Variants in PA2G4 observed in about 807,000 individuals in gnomAD.
PA2G4 encodes proliferation-associated protein 2G4.
In PA2G4, 8 loss-of-function variants were observed where a neutral mutation model predicts 53.3. That is an observed-to-expected ratio of 0.15 (90% CI 0.09 to 0.27). The LOEUF is 0.27. Among genes scored for constraint, PA2G4 ranks in the 10% least tolerant of loss-of-function variants. The pLI, the probability that PA2G4 is intolerant of heterozygous loss-of-function variation, is 1.00. For missense variants in PA2G4, 208 were observed against 486.8 expected (o/e 0.43, Z 5.39); for synonymous variants, 143 against 169.8 (o/e 0.84, Z 1.23).
chr12:56,111,574 C>A (rs1367762498), intron 12 of PA2G4, 45 bp downstream of exon 12: 6 of 1,499,990 alleles, frequency 4.0e-6, no homozygotes, highest in Non-Finnish European at 5.6e-6. Context: ...TGAACCTGAT[C>A]CCTCTTTCTC....
chr12:56,105,056 A>AG, intron 1 of PA2G4: 1 of 698,278 alleles, frequency 1.4e-6, no homozygotes, highest in Non-Finnish European at 2.6e-6. Flanking sequence ...GAGCGCAGAG[A>AG]GGGGACCCTG....
chr12:56,104,725 T>C lies in PA2G4; in HGVS notation c.-13T>C, dbSNP rs1301245918. 1.2e-6 allele frequency: 2 copies of C among 1,611,274 alleles called. No individual in the cohort carries two copies. The highest frequency in any genetic ancestry group is 2.2e-5 in the East Asian group (1 of 44,842). On this transcript the variant is annotated 5_prime_UTR_variant, in exon 1 of 13. Coordinates refer to ENST00000303305, the MANE Select transcript of PA2G4 (RefSeq NM_006191.3). ...CTCAGGGGAAACGAGGCTGCAGTGG[T>C]GGTAGTAGGAAGATGTCGGGCGAGG...
At position 56,106,799 on chromosome 12, in the gene PA2G4, G is replaced by A. The variant is rs889826299; in HGVS notation, c.217+83G>A. 71 of 1,498,908 alleles carry A rather than the reference G, an allele frequency of 4.7e-5. 1 individual carries two copies. In the Admixed American group the frequency reaches 1.2e-3, roughly 24 times the overall value. The allele number at this position is 1,498,908 out of a possible 1,614,324, so 92.9% of individuals were successfully genotyped here. ...TTTTTATTTTTTTCACTGTAATGAC[G>A]CAGTCCCCACCCCAGCTCTGGCTGA... On this transcript the variant is annotated intron_variant, in intron 2 of 12. Coordinates refer to ENST00000303305, the MANE Select transcript of PA2G4 (RefSeq NM_006191.3).
At chr12:56,112,284 A>G (rs1869446013) in intron 12 of PA2G4, among the ~76,000 whole-genome samples, 1 of 152,224 alleles carries the variant, frequency 6.6e-6, no homozygotes, top group Admixed American at 6.5e-5. Context: ...TTAACCTACC[A>G]TGAACCTCAT....
At chr12:56,107,447 C>T in intron 4 of PA2G4, 74 bp from the exon 5 acceptor site, 2 of 1,162,266 alleles carry the variant, frequency 1.7e-6, no homozygotes, top group Non-Finnish European at 2.6e-6. Flanking sequence ...TATGGGCTCA[C>T]AGATATTAAC....
At chr12:56,106,539 C>T (rs779797328) in intron 1 of PA2G4, 49 bp from the exon 2 acceptor site, 1 of 1,469,128 alleles carries the variant, frequency 6.8e-7, no homozygotes, top group Non-Finnish European at 9.0e-7. Flanking sequence ...TGGGTGGTAA[C>T]TAGACAATGA....
In PA2G4 at chr12:56,113,774, T is replaced by G. The variant is rs1282388696; in HGVS notation, c.*886T>G. 1 of 694,834 alleles carries G rather than the reference T, an allele frequency of 1.4e-6. No individual in the cohort carries two copies. The highest frequency in any genetic ancestry group is 2.6e-6 in the Non-Finnish European group (1 of 381,946). The allele number at this position is 694,834 out of a possible 1,614,324, so 43.0% of individuals were successfully genotyped here. On this transcript the variant is annotated 3_prime_UTR_variant, in exon 13 of 13. Transcript: ENST00000303305. Reference sequence around the variant, plus strand: ...TGGACTTGGATTGGATTGCTGGGGGTTTGTAGAGAAAGGTGACAAATTTCA... The same window carrying G: ...TGGACTTGGATTGGATTGCTGGGGGGTTGTAGAGAAAGGTGACAAATTTCA...
At chr12:56,104,885 C>T (rs1869259342) in intron 1 of PA2G4, 60 bp downstream of exon 1, 3 of 1,425,324 alleles carry the variant, frequency 2.1e-6, no homozygotes, top group African/African-American at 1.4e-5. Flanking sequence ...ACAGGCTGGC[C>T]CGGAAGGGGC....
At chr12:56,110,723 TCTGA>T (rs1565864909) in intron 9 of PA2G4, 31 bp downstream of exon 9, 2 of 1,613,278 alleles carry the variant, frequency 1.2e-6, no homozygotes, top group Non-Finnish European at 1.7e-6. Context: ...TTGGAACCAG[TCTGA>T]CTCACAGACC....
chr12:56,112,090 C>T (rs973037956), intron 12 of PA2G4, among the ~76,000 whole-genome samples: 8 of 152,090 alleles, frequency 5.3e-5, no homozygotes, highest in Admixed American at 1.3e-4. Context: ...CTCCGGCCTG[C>T]GCAACAAGAG....
intron 3 of PA2G4, 30 bp downstream of exon 3, chr12:56,107,125 C>CT: frequency 2.5e-6 from 4 of 1,604,774 alleles, no homozygotes; most frequent in Non-Finnish European, 3.4e-6. Context: ...AAGCATTTTT[C>CT]TTTTTTTAAA....
intron 9 of PA2G4, 126 bp downstream of exon 9, chr12:56,110,818 C>G: frequency 7.6e-7 from 1 of 1,316,516 alleles, no homozygotes; most frequent in Non-Finnish European, 1.1e-6. Context: ...CTCTCTCTCC[C>G]CATCTCCTTC....
In PA2G4 at chr12:56,111,232, C is replaced by T; in HGVS notation, c.988C>T (p.Pro330Ser). 6.2e-7 allele frequency: 1 copy of T among 1,614,026 alleles called. No individual in the cohort carries two copies. The highest frequency in any genetic ancestry group is 8.5e-7 in the Non-Finnish European group (1 of 1,179,948). The change falls in exon 11 of 13, where the codon CCC becomes TCC. Residue 330 changes from proline to serine, a missense_variant. Pro to Ser is a moderately conservative substitution (Grantham distance 74, BLOSUM62 -1). Coordinates refer to ENST00000303305, the MANE Select transcript of PA2G4 (RefSeq NM_006191.3). ...KFTVLLMPNG[P>S]MRITSGPFEP... ...TACAGTTCTGCTCATGCCCAATGGC[C>T]CCATGCGGATAACCAGTGGTCCCTT...
At chr12:56,106,044 G>A (rs1382955653) in intron 1 of PA2G4, 2 of 152,130 alleles carry the variant, frequency 1.3e-5, no homozygotes, top group Non-Finnish European at 2.9e-5. Flanking sequence ...ATCTCTTACA[G>A]TTTATAACTT....
chr12:56,110,328 C>G, intron 7 of PA2G4, 71 bp from the exon 8 acceptor site: 3 of 952,040 alleles, frequency 3.2e-6, no homozygotes, highest in Non-Finnish European at 5.1e-6. Context: ...CCACTGCACT[C>G]CAGCCTGGGT....
rs770205662 is a variant in PA2G4 at position 56,109,313 on chromosome 12, T to C, written c.550+20T>C. 2.9e-5 allele frequency: 46 copies of C among 1,596,024 alleles called. No homozygotes were observed. In the African/African-American group the frequency reaches 4.3e-4, roughly 15 times the overall value. ...TAGAAGGTGAGAACAGATAACAGGG[T>C]TGAGGGTCTAAGAATGAGTGGCTTT... On this transcript the variant is annotated intron_variant, in intron 6 of 12. Coordinates refer to ENST00000303305, the MANE Select transcript of PA2G4 (RefSeq NM_006191.3).
chr12:56,107,334 C>G (rs889762248), intron 4 of PA2G4, 78 bp downstream of exon 4: 4 of 1,179,890 alleles, frequency 3.4e-6, no homozygotes, highest in Admixed American at 3.4e-5. Flanking sequence ...ATCCCCACCC[C>G]CAATCACCAC....
chr12:56,109,094 C>T lies in PA2G4; in HGVS notation c.487-136C>T, dbSNP rs142495872. 8.5e-3 allele frequency: 4,292 copies of T among 502,284 alleles called. 18 individuals are homozygous for T. The highest frequency in any genetic ancestry group is 0.01 in the Non-Finnish European group (2,852 of 276,918). 31.1% of individuals were successfully genotyped at this position (502,284 alleles called of 1,614,324 possible). A position where few individuals can be genotyped will look rare whatever the true frequency, so the allele number is the denominator to read the frequency against. ...TGAGCCAAGATCACGCCACTGCACT[C>T]CAGCCTGGTGACAAAGCCAGACTCC... On this transcript the variant is annotated intron_variant, in intron 5 of 12. Coordinates refer to ENST00000303305, the MANE Select transcript of PA2G4 (RefSeq NM_006191.3).
At chr12:56,112,558 G>T (rs1052102024) in intron 12 of PA2G4, among the ~76,000 whole-genome samples, 2 of 152,092 alleles carry the variant, frequency 1.3e-5, no homozygotes, top group African/African-American at 4.8e-5. Context: ...AGGAGTTCAA[G>T]ATCAGCCCGG....
Sources: gnomAD v4.1 joint callset for allele counts (sites outside exome capture counted in the v4.1 genomes callset) on GRCh38, gnomAD v4.1.1 for gene constraint, MANE v1.5 for transcripts, NCBI Gene and HGNC (gene_info 2026-07-23, HGNC 2026-07-21) for gene names.